The following ERC2 variants were observed in gnomAD, a reference collection of about 807,000 sequenced individuals.
ERC2 encodes the protein ELKS/RAB6-interacting/CAST family member 2.
ERC2 carries 42 observed loss-of-function variants against 114.8 expected under a neutral mutation model. That is an observed-to-expected ratio of 0.37 (90% CI 0.29 to 0.47). The LOEUF is 0.47. Among genes scored for constraint, ERC2 ranks in the 20% least tolerant of loss-of-function variants. The pLI is 0.99. For synonymous variants in ERC2, 454 were observed against 425.5 expected (o/e 1.07, Z -0.82); for missense variants, 939 against 1,150.7 (o/e 0.82, Z 2.66).
At chr3:55,739,253 A>C (rs1452198803) in intron 14 of ERC2, among the ~76,000 whole-genome samples, 3 of 152,220 alleles carry the variant, frequency 2.0e-5, no homozygotes, top group Admixed American at 6.5e-5. Flanking sequence ...AGAATGATTT[A>C]TAATCCTTTG....
rs543162507 is a variant in ERC2 at position 55,897,664 on chromosome 3, G to A, written c.2404-9115C>T. On this transcript the variant is annotated intron_variant, in intron 13 of 17. Coordinates refer to ENST00000288221, the MANE Select transcript of ERC2 (RefSeq NM_015576.3). ...GTGAAGATAAACGCTTAAACCCCCCGTCAGCAGCAGCAACTCCTCCGACAG... is the reference window on the plus strand; with the variant it reads ...GTGAAGATAAACGCTTAAACCCCCCATCAGCAGCAGCAACTCCTCCGACAG... Among the ~76,000 whole-genome samples the A allele has an allele frequency of 2.6e-5, 4 of 152,262 alleles. No homozygotes were observed. The East Asian group carries it at 5.8e-4, about 22-fold the overall frequency.
chr3:56,188,468 G>A (rs1048032239), intron 3 of ERC2, among the ~76,000 whole-genome samples: 12 of 152,136 alleles, frequency 7.9e-5, no homozygotes, highest in South Asian at 2.1e-4. Context: ...GCTGCAGATC[G>A]CAGGAGCAGA....
chr3:56,130,153 G>GTGGTTT (rs2080119172), intron 6 of ERC2, among the ~76,000 whole-genome samples: 1 of 152,180 alleles, frequency 6.6e-6, no homozygotes. Flanking sequence ...TAAGGTGTTT[G>GTGGTTT]TGGTTTTACT....
At chr3:55,519,649 C>T (rs1192303629) in intron 17 of ERC2, among the ~76,000 whole-genome samples, 1 of 152,138 alleles carries the variant, frequency 6.6e-6, no homozygotes, top group East Asian at 1.9e-4. Context: ...ATCTCTTCTG[C>T]CATCTGGGTT....
intron 15 of ERC2, among the ~76,000 whole-genome samples, chr3:55,727,806 T>G (rs959081238): frequency 6.6e-6 from 1 of 152,132 alleles, no homozygotes; most frequent in African/African-American, 2.4e-5. Flanking sequence ...TGGAGGAGAT[T>G]TGAACTAGAA....
intron 14 of ERC2, among the ~76,000 whole-genome samples, chr3:55,782,939 A>G: frequency 6.6e-6 from 1 of 152,240 alleles, no homozygotes; most frequent in East Asian, 1.9e-4. Flanking sequence ...ATTTTACAAA[A>G]GAATACAGTG....
chr3:55,746,122 C>T, intron 14 of ERC2, among the ~76,000 whole-genome samples: 1 of 152,016 alleles, frequency 6.6e-6, no homozygotes, highest in East Asian at 1.9e-4. Flanking sequence ...AATTGTAATA[C>T]AAAACAAAAC....
chr3:56,381,784 G>C (rs2059762876), intron 2 of ERC2, among the ~76,000 whole-genome samples: 1 of 151,860 alleles, frequency 6.6e-6, no homozygotes, highest in Non-Finnish European at 1.5e-5. Flanking sequence ...AAAAAAACCA[G>C]GCAAAGTGAT....
At chr3:55,663,581 C>G (rs550810072) in intron 17 of ERC2, among the ~76,000 whole-genome samples, 3 of 152,312 alleles carry the variant, frequency 2.0e-5, no homozygotes, top group African/African-American at 7.2e-5. Context: ...GATCACCTAT[C>G]AGGGTTGAGC....
At chr3:55,752,533 A>T (rs2066776951) in intron 14 of ERC2, among the ~76,000 whole-genome samples, 1 of 152,224 alleles carries the variant, frequency 6.6e-6, no homozygotes, top group South Asian at 2.1e-4. Context: ...GGGACAGGCC[A>T]TAGAGCCTAC....
intron 13 of ERC2, among the ~76,000 whole-genome samples, chr3:55,907,995 C>A (rs535881518): frequency 6.6e-6 from 1 of 152,210 alleles, no homozygotes; most frequent in Non-Finnish European, 1.5e-5. Context: ...TTGGGAAAAG[C>A]AACACACAGG....
At position 56,146,753 on chromosome 3, in the gene ERC2, C is replaced by G. The variant is rs554643055; in HGVS notation, c.1305+2224G>C. ...CTTTGGTCACTCCTCAAGTCACTCC[C>G]TATACAGCTGGCAAAGGCAGGCTGG... On this transcript the variant is annotated intron_variant, in intron 5 of 17. Coordinates refer to ENST00000288221, the MANE Select transcript of ERC2 (RefSeq NM_015576.3). Among the ~76,000 whole-genome samples, 10 of 152,302 alleles carry G rather than the reference C, an allele frequency of 6.6e-5. No homozygotes were observed. In the East Asian group the frequency reaches 1.9e-3, roughly 29 times the overall value.
At chr3:55,611,150 G>A (rs1467753499) in intron 17 of ERC2, among the ~76,000 whole-genome samples, 1 of 152,210 alleles carries the variant, frequency 6.6e-6, no homozygotes, top group East Asian at 1.9e-4. Flanking sequence ...ATTTTTCAAG[G>A]GAAGGCATTT....
At chr3:55,583,387 T>TTTCCCTCCTTCCTTCCTTCCTTCC (rs1454611481) in intron 17 of ERC2, among the ~76,000 whole-genome samples, 3 of 127,682 alleles carry the variant, frequency 2.3e-5, no homozygotes, top group South Asian at 2.9e-4. Context: ...TCCTTCTTTC[T>TTTCCCTCCTTCCTTCCTTCCTTCC]TTCCTTCCTT....
chr3:55,798,123 G>C (rs1398675285), intron 14 of ERC2, among the ~76,000 whole-genome samples: 1 of 152,140 alleles, frequency 6.6e-6, no homozygotes, highest in Non-Finnish European at 1.5e-5. Context: ...AGCCCATAAA[G>C]AGAGACTGAA....
At chr3:55,956,960 C>T (rs547580033) in intron 12 of ERC2, among the ~76,000 whole-genome samples, 1 of 151,944 alleles carries the variant, frequency 6.6e-6, no homozygotes, top group South Asian at 2.1e-4. Context: ...TACACAAGGG[C>T]CCAGAGACAA....
intron 13 of ERC2, among the ~76,000 whole-genome samples, chr3:55,921,409 G>A (rs913115923): frequency 6.6e-6 from 1 of 152,066 alleles, no homozygotes; most frequent in Admixed American, 6.6e-5. Context: ...TCATTTCTTT[G>A]AAGGCGGTAT....
intron 3 of ERC2, among the ~76,000 whole-genome samples, chr3:56,228,878 T>C (rs2050422698): frequency 6.6e-6 from 1 of 152,156 alleles, no homozygotes; most frequent in Admixed American, 6.5e-5. Context: ...AGATGCCTAC[T>C]TGGGCCGCCT....
At chr3:55,583,387 T>TTTCCC (rs1454611481) in intron 17 of ERC2, among the ~76,000 whole-genome samples, 2 of 127,682 alleles carry the variant, frequency 1.6e-5, no homozygotes, top group African/African-American at 6.8e-5. Flanking sequence ...TCCTTCTTTC[T>TTTCCC]TTCCTTCCTT....
Sources: allele counts gnomAD v4.1 joint callset (sites outside exome capture counted in the v4.1 genomes callset), GRCh38; gene constraint gnomAD v4.1.1; transcripts MANE v1.5; gene names NCBI Gene and HGNC (gene_info 2026-07-23, HGNC 2026-07-21).